Variants in PALMD observed in about 807,000 individuals in gnomAD.
PALMD encodes paralemmin-like protein.
Under a neutral mutation model 56.2 loss-of-function variants are expected in PALMD, and 42 were observed. The ratio of observed to expected loss-of-function variants is 0.75; its 90% CI spans 0.58 to 0.97. PALMD has a LOEUF of 0.97. Among genes scored for constraint, PALMD ranks in the 50% least tolerant of loss-of-function variants. The probability of loss-of-function intolerance (pLI) is 0.00; values close to 1 mark genes in which losing one functional copy is unlikely to be tolerated. For synonymous variants in PALMD, 242 were observed against 222.9 expected (o/e 1.09, Z -0.76); for missense variants, 660 against 643.8 (o/e 1.03, Z -0.27).
At chr1:99,653,130 C>T (rs1388930263) in intron 1 of PALMD, among the ~76,000 whole-genome samples, 1 of 152,120 alleles carries the variant, frequency 6.6e-6, no homozygotes, top group Non-Finnish European at 1.5e-5. Flanking sequence ...CCCTCAACAA[C>T]GAGCTCAACA....
At position 99,694,150 on chromosome 1, in the gene PALMD, C is replaced by A. The variant is rs1304478914; in HGVS notation, c.*88C>A. ...CTTCTGGATATTTTGTTTATTTTTT[C>A]TGAAGTCCAAAAAATTATCATTACA... is the stretch of plus-strand genomic sequence containing the variant. On this transcript the variant is annotated 3_prime_UTR_variant, in exon 8 of 8. Coordinates refer to ENST00000263174, the MANE Select transcript of PALMD (RefSeq NM_017734.5). The A allele has an allele frequency of 4.5e-6, 4 of 890,990 alleles. No homozygotes were observed. Among genetic ancestry groups the A allele is most frequent in the Non-Finnish European group, 7.1e-6 (4 of 566,232 alleles). 55.2% of individuals were successfully genotyped at this position (890,990 alleles called of 1,614,324 possible).
intron 1 of PALMD, among the ~76,000 whole-genome samples, chr1:99,651,775 A>T (rs1180884521): frequency 1.3e-5 from 2 of 152,210 alleles, no homozygotes; most frequent in East Asian, 3.9e-4. Flanking sequence ...TTTTACATAA[A>T]ATCCCAGGGA....
chr1:99,689,388 T>C lies in PALMD; in HGVS notation c.1128T>C (p.Phe376=). 6.2e-7 allele frequency: 1 copy of C among 1,613,764 alleles called. No homozygotes were observed. The change falls in exon 7 of 8, where the codon TTT becomes TTC. Residue 376 remains phenylalanine, a synonymous_variant. Transcript: ENST00000263174. ...KPRLSPRETI[F]GKSEHQNSSP... ...GGCTGAGCCCCAGAGAGACAATATT[T>C]GGGAAATCTGAACACCAGAATTCTT... is the stretch of plus-strand genomic sequence containing the variant.
chr1:99,671,183 G>GGATAA (rs1653079524), intron 3 of PALMD, among the ~76,000 whole-genome samples: 1 of 152,176 alleles, frequency 6.6e-6, no homozygotes, highest in Non-Finnish European at 1.5e-5. Flanking sequence ...CTCAGCTAGA[G>GGATAA]GATAAGATTT....
In PALMD at chr1:99,689,866, TTAACAGGTAA is replaced by T. The variant is rs1289699534; in HGVS notation, c.1610_1612+7del. 6.3e-7 allele frequency: 1 copy of T among 1,595,940 alleles called. No individual in the cohort carries two copies. Among genetic ancestry groups the T allele is most frequent in the African/African-American group, 1.4e-5 (1 of 74,020 alleles). On this transcript the variant is annotated splice_donor_variant and splice_donor_region_variant and coding_sequence_variant and intron_variant, in exon 7 of 8. Transcript: ENST00000263174. LOFTEE classifies it high-confidence loss of function. ...TGGAGATGGGACTGAGGATCCATCC[TTAACAGGTAA>T]TAAAAATGACAAGGCATGCCACTGC...
chr1:99,653,178 A>T (rs1652633962), intron 1 of PALMD, among the ~76,000 whole-genome samples: 1 of 151,986 alleles, frequency 6.6e-6, no homozygotes, highest in Non-Finnish European at 1.5e-5. Flanking sequence ...ACAACAAAAC[A>T]AAAAAACTGT....
intron 3 of PALMD, among the ~76,000 whole-genome samples, chr1:99,674,492 C>G (rs879540614): frequency 4.6e-5 from 7 of 151,914 alleles, no homozygotes; most frequent in Middle Eastern, 3.2e-3. Context: ...GACTCCAGAC[C>G]CTTCCCACCA....
intron 1 of PALMD, among the ~76,000 whole-genome samples, chr1:99,649,477 G>A (rs995271879): frequency 1.3e-5 from 2 of 151,926 alleles, no homozygotes; most frequent in African/African-American, 4.9e-5. Context: ...CTCGAGAAGA[G>A]TGAGATGAAG....
chr1:99,656,290 A>G (rs1183453721), intron 1 of PALMD, among the ~76,000 whole-genome samples: 1 of 152,188 alleles, frequency 6.6e-6, no homozygotes, highest in Non-Finnish European at 1.5e-5. Flanking sequence ...CAAGAATGGT[A>G]AAATATACTT....
intron 3 of PALMD, among the ~76,000 whole-genome samples, chr1:99,677,217 A>G (rs1174368791): frequency 1.3e-5 from 2 of 152,128 alleles, no homozygotes; most frequent in Non-Finnish European, 1.5e-5. Flanking sequence ...CCTGAAATGC[A>G]AGATACTAAT....
chr1:99,646,196 G>A lies in PALMD; in HGVS notation c.-122G>A, dbSNP rs2100849747. 1 of 777,092 alleles carries A rather than the reference G, an allele frequency of 1.3e-6. No individual in the cohort carries two copies. 48.1% of individuals were successfully genotyped at this position (777,092 alleles called of 1,614,324 possible). A position where few individuals can be genotyped will look rare whatever the true frequency, so the allele number is the denominator to read the frequency against. On this transcript the variant is annotated 5_prime_UTR_variant, in exon 1 of 8. The change creates a new upstream start codon in the 5' untranslated region. Transcript: ENST00000263174. ...CGGGAATTTCTCTATTTCTCCACTG[G>A]TGCAAAGAGCGGATTTCTCCCTGCT... is the stretch of plus-strand genomic sequence containing the variant.
chr1:99,658,553 C>T (rs922274508), intron 1 of PALMD, among the ~76,000 whole-genome samples: 12 of 151,752 alleles, frequency 7.9e-5, no homozygotes, highest in South Asian at 2.1e-4. Context: ...AGGCGGATCA[C>T]GAGGTCAGGA....
chr1:99,652,699 A>AAAGGAAAG (rs1557666517), intron 1 of PALMD, among the ~76,000 whole-genome samples: 112 of 83,482 alleles, frequency 1.3e-3, no homozygotes, highest in Non-Finnish European at 1.6e-3. Flanking sequence ...GGAAAGGAAA[A>AAAGGAAAG]GAAAAGAAAA....
chr1:99,669,368 A>G (rs1364154284), intron 3 of PALMD: 1 of 152,210 alleles, frequency 6.6e-6, no homozygotes, highest in East Asian at 1.9e-4. Flanking sequence ...AAAATAACCC[A>G]ATAAATCAAC....
intron 7 of PALMD, 80 bp from the exon 8 acceptor site, chr1:99,693,939 C>T: frequency 1.1e-6 from 1 of 926,148 alleles, no homozygotes; most frequent in Non-Finnish European, 1.7e-6. Flanking sequence ...TCTAAACTTT[C>T]CTGCATTCTA....
chr1:99,663,588 A>G (rs956231633), intron 2 of PALMD, among the ~76,000 whole-genome samples: 5 of 151,670 alleles, frequency 3.3e-5, no homozygotes, highest in Non-Finnish European at 7.4e-5. Flanking sequence ...CACTTGCACA[A>G]TTTACACACA....
At chr1:99,649,262 G>T (rs1652514650) in intron 1 of PALMD, among the ~76,000 whole-genome samples, 1 of 151,988 alleles carries the variant, frequency 6.6e-6, no homozygotes, top group East Asian at 1.9e-4. Context: ...TTAAACACAG[G>T]GCTGCTTAAA....
At chr1:99,671,243 C>G (rs896940207) in intron 3 of PALMD, among the ~76,000 whole-genome samples, 1 of 152,202 alleles carries the variant, frequency 6.6e-6, no homozygotes, top group Admixed American at 6.6e-5. Flanking sequence ...GAGTCCATAG[C>G]AGGGCCAGAC....
intron 2 of PALMD, among the ~76,000 whole-genome samples, chr1:99,666,627 A>T (rs200893758): frequency 6.6e-6 from 1 of 152,144 alleles, no homozygotes; most frequent in African/African-American, 2.4e-5. Context: ...TGAATCCCCA[A>T]TGAATAATTA....
Sources: allele counts gnomAD v4.1 joint callset (sites outside exome capture counted in the v4.1 genomes callset), GRCh38; gene constraint gnomAD v4.1.1; transcripts MANE v1.5; gene names NCBI Gene and HGNC (gene_info 2026-07-23, HGNC 2026-07-21).